The following PRIM2 variants were observed in gnomAD, a reference collection of about 807,000 sequenced individuals.
PRIM2 encodes DNA primase large subunit.
In PRIM2, 39 loss-of-function variants were observed where a neutral mutation model predicts 67.3. That is an observed-to-expected ratio of 0.58 (90% CI 0.45 to 0.76). The LOEUF (loss-of-function observed/expected upper bound fraction) is 0.76. Ranked by LOEUF, PRIM2 falls within the 30% of genes least tolerant of loss-of-function variation. PRIM2 has a pLI of 0.00. For synonymous variants in PRIM2, 143 were observed against 198.7 expected, an observed-to-expected ratio of 0.72 and a Z score of 2.36; for missense variants, 398 against 598.7, an observed-to-expected ratio of 0.66 and a Z score of 3.50.
At chr6:57,532,085 A>T (rs1425104424) in intron 8 of PRIM2, among the ~76,000 whole-genome samples, 4 of 152,098 alleles carry the variant, frequency 2.6e-5, no homozygotes, top group Non-Finnish European at 5.9e-5. Flanking sequence ...CTTTTTTGCT[A>T]TGTTGTCGTG....
intron 10 of PRIM2, among the ~76,000 whole-genome samples, chr6:57,591,199 A>G (rs1416140137): frequency 6.6e-6 from 1 of 152,220 alleles, no homozygotes; most frequent in Admixed American, 6.5e-5. Context: ...TTAGTTACAT[A>G]AGAATTTAAA....
intron 2 of PRIM2, among the ~76,000 whole-genome samples, chr6:57,319,237 G>T (rs1368410979): frequency 6.6e-6 from 1 of 152,218 alleles, no homozygotes; most frequent in African/African-American, 2.4e-5. Flanking sequence ...TGATATTGGG[G>T]TGTAAGAAGG....
chr6:57,428,999 CTT>C (rs1458157884), intron 7 of PRIM2, among the ~76,000 whole-genome samples: 2 of 152,188 alleles, frequency 1.3e-5, no homozygotes, highest in Admixed American at 1.3e-4. Context: ...CCAAGAGAAA[CTT>C]TTTCATGCTA....
chr6:57,535,692 C>T (rs1774988384), intron 9 of PRIM2, among the ~76,000 whole-genome samples: 2 of 152,110 alleles, frequency 1.3e-5, no homozygotes, highest in Non-Finnish European at 2.9e-5. Flanking sequence ...TGGTGAAACT[C>T]TGTCTCTACT....
At chr6:57,475,013 T>G (rs1773441893) in intron 7 of PRIM2, among the ~76,000 whole-genome samples, 1 of 152,180 alleles carries the variant, frequency 6.6e-6, no homozygotes, top group African/African-American at 2.4e-5. Flanking sequence ...CTGGGCATCG[T>G]TTATTTGCGT....
intron 5 of PRIM2, among the ~76,000 whole-genome samples, chr6:57,375,672 C>CT (rs1226774379): frequency 0.067 from 9,106 of 136,166 alleles, 928 homozygotes; most frequent in African/African-American, 0.22. Context: ...CCGCCTCAGC[C>CT]TTTTTTTTTT....
At chr6:57,541,281 G>A (rs1488254618) in intron 10 of PRIM2, among the ~76,000 whole-genome samples, 1 of 152,146 alleles carries the variant, frequency 6.6e-6, no homozygotes, top group African/African-American at 2.4e-5. Context: ...TTGAGACGGG[G>A]TTTCACCATT....
chr6:57,413,730 A>G (rs1271243304), intron 7 of PRIM2, among the ~76,000 whole-genome samples: 6 of 152,148 alleles, frequency 3.9e-5, no homozygotes, highest in Non-Finnish European at 2.9e-5. Context: ...ACTGGAGGAT[A>G]TATGAATTAA....
At chr6:57,374,140 A>T (rs7740140) in intron 5 of PRIM2, among the ~76,000 whole-genome samples, 105,388 of 148,488 alleles carry the variant, frequency 0.71, 37,872 homozygotes, top group African/African-American at 0.83. Flanking sequence ...TGGTTTGTAG[A>T]TCTCCTTGAA....
At chr6:57,260,576 G>A in the PRIM2 span, among the ~76,000 whole-genome samples, 2 of 152,014 alleles carry the variant, frequency 1.3e-5, no homozygotes, top group African/African-American at 2.4e-5. Flanking sequence ...GATGTCATAC[G>A]TTTGTTTTTT....
chr6:57,389,086 G>A (rs1056930886), intron 7 of PRIM2, among the ~76,000 whole-genome samples: 1 of 152,142 alleles, frequency 6.6e-6, no homozygotes, highest in Admixed American at 6.5e-5. Context: ...TCCTCACACA[G>A]TGTGACTATT....
intron 7 of PRIM2, among the ~76,000 whole-genome samples, chr6:57,435,611 C>T (rs977074868): frequency 8.5e-5 from 13 of 152,192 alleles, no homozygotes; most frequent in Non-Finnish European, 1.5e-4. Context: ...ATTTATTGAG[C>T]CTCAGTTCTC....
rs373329160 is a variant in PRIM2 at position 57,331,389 on chromosome 6, T to A, written c.459+5344T>A. ...GTCTGTAGGTTTTTTGTGATGTCTATATCTGGTTTTGGTATTAGGATCATA... is the reference window on the plus strand; with the variant it reads ...GTCTGTAGGTTTTTTGTGATGTCTAAATCTGGTTTTGGTATTAGGATCATA... On this transcript the variant is annotated intron_variant, in intron 5 of 13. Transcript: ENST00000615550. Among the ~76,000 whole-genome samples the A allele has an allele frequency of 5.3e-5, 8 of 152,242 alleles. No homozygotes were observed. In the East Asian group the frequency reaches 9.7e-4, roughly 18 times the overall value.
chr6:57,243,645 T>A, the PRIM2 span, among the ~76,000 whole-genome samples: 1 of 152,118 alleles, frequency 6.6e-6, no homozygotes, highest in Non-Finnish European at 1.5e-5. Flanking sequence ...CTTTTTTTTA[T>A]TTTTATTTTT....
intron 10 of PRIM2, among the ~76,000 whole-genome samples, chr6:57,572,870 T>C (rs1171644036): frequency 6.6e-6 from 1 of 152,210 alleles, no homozygotes; most frequent in African/African-American, 2.4e-5. Flanking sequence ...ATGTAGCTGC[T>C]TGGGAAAGGG....
chr6:57,543,427 G>T (rs1479072744), intron 10 of PRIM2, among the ~76,000 whole-genome samples: 18 of 152,212 alleles, frequency 1.2e-4, no homozygotes, highest in African/African-American at 4.3e-4. Context: ...CTGTACTATT[G>T]TTTCCCAAAT....
intron 13 of PRIM2, among the ~76,000 whole-genome samples, chr6:57,638,071 C>A (rs1180941231): frequency 7.0e-6 from 1 of 142,586 alleles, no homozygotes; most frequent in Non-Finnish European, 1.5e-5. Context: ...ACCCTACAAG[C>A]CAGAATAGAG....
At chr6:57,284,305 G>C in the PRIM2 span, among the ~76,000 whole-genome samples, 1 of 152,110 alleles carries the variant, frequency 6.6e-6, no homozygotes, top group African/African-American at 2.4e-5. Context: ...TGCCAAGTTT[G>C]GTCTTTGCAT....
chr6:57,334,646 G>A lies in PRIM2; in HGVS notation c.459+8601G>A, dbSNP rs1209452493. 2.0e-5 allele frequency among the ~76,000 whole-genome samples: 3 copies of A among 152,070 alleles called. No individual in the cohort carries two copies. In the East Asian group the frequency reaches 5.8e-4, roughly 29 times the overall value. ...TAGCCCACCCTGGGCTACAGAACAA[G>A]ACCCTGTCTCTCAAAGAAATAAGAG... On this transcript the variant is annotated intron_variant, in intron 5 of 13. Transcript: ENST00000615550.
Sources: allele counts gnomAD v4.1 joint callset (sites outside exome capture counted in the v4.1 genomes callset), GRCh38; gene constraint gnomAD v4.1.1; transcripts MANE v1.5; gene names NCBI Gene and HGNC (gene_info 2026-07-23, HGNC 2026-07-21).